The following KSR1 variants were observed in gnomAD, a reference collection of about 807,000 sequenced individuals.
The protein encoded by KSR1 is kinase suppressor of ras.
In KSR1, 35 loss-of-function variants were observed where a neutral mutation model predicts 92.9. The observed-to-expected ratio is 0.38, with a 90% confidence interval of 0.29 to 0.50. The LOEUF is 0.50. Ranked by LOEUF, KSR1 falls within the 20% of genes least tolerant of loss-of-function variation. The probability of loss-of-function intolerance (pLI) is 0.94; values close to 1 mark genes in which losing one functional copy is unlikely to be tolerated. For missense variants in KSR1, 972 were observed against 1,158.5 expected (o/e 0.84, Z 2.34); for synonymous variants, 467 against 472.6 (o/e 0.99, Z 0.15).
In KSR1 at chr17:27,592,321, C is replaced by A. The variant is rs772038922; in HGVS notation, c.1131-40C>A. The stretch of plus-strand genomic sequence containing the variant: ...CTACCCCTGTGTGCCTGAGCCCCCC[C>A]ATGTGGTGCTTTGCACACCAACCTC... On this transcript the variant is annotated intron_variant, in intron 7 of 20. Coordinates refer to ENST00000644974, the MANE Select transcript of KSR1 (RefSeq NM_001394583.1). 14 of 1,564,186 alleles carry A rather than the reference C, an allele frequency of 9.0e-6. No homozygotes were observed. In the South Asian group the frequency reaches 1.1e-4, roughly 12 times the overall value.
Position 27,625,816 on chromosome 17 carries a change from T to C in KSR1, c.*2424T>C, listed in dbSNP as rs1192952663. 1.3e-5 allele frequency: 2 copies of C among 151,884 alleles called. No homozygotes were observed. Among genetic ancestry groups the C allele is most frequent in the East Asian group, 3.9e-4 (2 of 5,190 alleles). The allele number at this position is 151,884 out of a possible 1,614,324, so 9.4% of individuals were successfully genotyped here. ...GGGGCTGCGGAAGTCCCCACGGGGG[T>C]CTGAGAGTGGAGCCCAAGCTTTGGC... On this transcript the variant is annotated 3_prime_UTR_variant, in exon 21 of 21. Coordinates refer to ENST00000644974, the MANE Select transcript of KSR1 (RefSeq NM_001394583.1).
intron 1 of KSR1, among the ~76,000 whole-genome samples, chr17:27,519,923 C>T (rs1452282036): frequency 2.0e-5 from 3 of 151,944 alleles, no homozygotes; most frequent in Non-Finnish European, 4.4e-5. Context: ...TTTCCCCAGC[C>T]GGGAGTGGGG....
At chr17:27,613,109 AG>A (rs1860192817) in intron 18 of KSR1, 1 of 152,250 alleles carries the variant, frequency 6.6e-6, no homozygotes. Flanking sequence ...CAACACGAAC[AG>A]CAGGCTCCTC....
At chr17:27,573,062 C>T (rs1049173385) in intron 2 of KSR1, among the ~76,000 whole-genome samples, 7 of 152,186 alleles carry the variant, frequency 4.6e-5, no homozygotes, top group African/African-American at 9.7e-5. Context: ...CGTTTGCCTA[C>T]AGAAATAAAG....
At chr17:27,473,851 T>TGG (rs1344415360) in intron 1 of KSR1, among the ~76,000 whole-genome samples, 4 of 152,126 alleles carry the variant, frequency 2.6e-5, no homozygotes, top group African/African-American at 9.7e-5. Context: ...GTGGTTGGCC[T>TGG]GGTGGCTTAT....
chr17:27,601,888 C>T, intron 11 of KSR1: 1 of 1,606,992 alleles, frequency 6.2e-7, no homozygotes, highest in Non-Finnish European at 8.5e-7. Flanking sequence ...TGCCTTACCA[C>T]ACAGTGCCAT....
At chr17:27,620,900 CCCCTTCGAGGAAA>C in intron 19 of KSR1, 1 of 286,588 alleles carries the variant, frequency 3.5e-6, no homozygotes, top group African/African-American at 2.2e-5. Flanking sequence ...CCCTGCCCAG[CCCCTTCGAGGAAA>C]GCATGCGGGC....
chr17:27,472,424 G>A (rs2020064755), intron 1 of KSR1, among the ~76,000 whole-genome samples: 1 of 152,226 alleles, frequency 6.6e-6, no homozygotes, highest in Non-Finnish European at 1.5e-5. Flanking sequence ...TAAGCCCCGG[G>A]GGGCTCTGAT....
chr17:27,521,030 T>C (rs2070004935), intron 1 of KSR1, among the ~76,000 whole-genome samples: 1 of 152,202 alleles, frequency 6.6e-6, no homozygotes, highest in African/African-American at 2.4e-5. Flanking sequence ...CAAGCACTTG[T>C]GGCTGTCACC....
At chr17:27,520,903 T>C (rs1036959033) in intron 1 of KSR1, among the ~76,000 whole-genome samples, 8 of 152,254 alleles carry the variant, frequency 5.3e-5, no homozygotes, top group Non-Finnish European at 8.8e-5. Flanking sequence ...CCAGTTGGCC[T>C]AACTGGAATC....
Position 27,626,427 on chromosome 17 carries a change from A to G in KSR1, c.*3035A>G, listed in dbSNP as rs956245651. On this transcript the variant is annotated 3_prime_UTR_variant, in exon 21 of 21. Coordinates refer to ENST00000644974, the MANE Select transcript of KSR1 (RefSeq NM_001394583.1). ...GTCTGGAGTTTGTGAATAAAGTTAT[A>G]CCAAGGTGTTCTGGGGCTTGTCTTT... 8 of 152,190 alleles carry G rather than the reference A, an allele frequency of 5.3e-5. No individual in the cohort carries two copies. The highest frequency in any genetic ancestry group is 1.7e-4 in the African/African-American group (7 of 41,404). The allele number at this position is 152,190 out of a possible 1,614,324, so 9.4% of individuals were successfully genotyped here.
At chr17:27,466,016 G>A (rs60304204) in intron 1 of KSR1, among the ~76,000 whole-genome samples, 49,683 of 152,164 alleles carry the variant, frequency 0.33, 8,637 homozygotes, top group South Asian at 0.5. Flanking sequence ...GAAGAAAGTT[G>A]TGCTGCATCA....
chr17:27,588,558 G>T, intron 6 of KSR1, 23 bp downstream of exon 6: 1 of 1,578,908 alleles, frequency 6.3e-7, no homozygotes. Context: ...GGCCTGGAGG[G>T]GGAGCAGGGC....
chr17:27,456,562 C>A lies in KSR1; in HGVS notation c.-82C>A. The A allele has an allele frequency of 2.3e-6, 1 of 443,476 alleles. No individual in the cohort carries two copies. Among genetic ancestry groups the A allele is most frequent in the Non-Finnish European group, 3.9e-6 (1 of 256,976 alleles). The allele number at this position is 443,476 out of a possible 1,614,324, so 27.5% of individuals were successfully genotyped here. A position where few individuals can be genotyped will look rare whatever the true frequency, so the allele number is the denominator to read the frequency against. ...GCGCCGAGGGGCGCTCCTGGTCCAG[C>A]TCTCCTGGCTCGGGGGTTCCTTGCC... On this transcript the variant is annotated 5_prime_UTR_variant, in exon 1 of 21. Coordinates refer to ENST00000644974, the MANE Select transcript of KSR1 (RefSeq NM_001394583.1).
In KSR1 at chr17:27,623,457, C is replaced by T. The variant is rs912873040; in HGVS notation, c.*65C>T. On this transcript the variant is annotated 3_prime_UTR_variant, in exon 21 of 21. Coordinates refer to ENST00000644974, the MANE Select transcript of KSR1 (RefSeq NM_001394583.1). ...AAAATGTGTTTCTGAAACATCCCAACAACCACCACGACAAAAAAACACTGC... is the reference window on the plus strand; with the variant it reads ...AAAATGTGTTTCTGAAACATCCCAATAACCACCACGACAAAAAAACACTGC... 2 of 714,922 alleles carry T rather than the reference C, an allele frequency of 2.8e-6. No individual in the cohort carries two copies. Among genetic ancestry groups the T allele is most frequent in the African/African-American group, 3.5e-5 (2 of 57,804 alleles). The allele number at this position is 714,922 out of a possible 1,614,324, so 44.3% of individuals were successfully genotyped here.
chr17:27,582,842 C>T lies in KSR1; in HGVS notation c.717C>T (p.Pro239=), dbSNP rs567845159. The change falls in exon 4 of 21, where the codon CCC becomes CCT. Residue 239 remains proline (P), a synonymous_variant. Transcript: ENST00000644974. ...CAGCTCTGCCCGCCTCAGACTCCCC[C>T]ACCCCCAGCTTCAGTGAGGGCCTCT... ...SVSALPASDS[P]TPSFSEGLSD... The T allele has an allele frequency of 2.5e-6, 4 of 1,613,590 alleles. No individual in the cohort carries two copies. The highest frequency in any genetic ancestry group is 2.7e-5 in the African/African-American group (2 of 75,030).
At chr17:27,532,009 C>T (rs2008014) in intron 1 of KSR1, among the ~76,000 whole-genome samples, 1,757 of 152,212 alleles carry the variant, frequency 0.012, 24 homozygotes, top group African/African-American at 0.04. Context: ...ACCAGGAGAC[C>T]GTCCTGGCAC....
intron 2 of KSR1, among the ~76,000 whole-genome samples, chr17:27,555,600 G>GT (rs1447263296): frequency 3.3e-5 from 5 of 152,024 alleles, no homozygotes; most frequent in Middle Eastern, 3.2e-3. Context: ...AGCCCCCTCT[G>GT]TTTTTTACTA....
At position 27,591,436 on chromosome 17, in the gene KSR1, G is replaced by A. The variant is rs566507829; in HGVS notation, c.1130+542G>A. 5.3e-5 allele frequency among the ~76,000 whole-genome samples: 8 copies of A among 152,338 alleles called. No homozygotes were observed. The South Asian group carries it at 1.7e-3, about 32-fold the overall frequency. ...TCACCTAATGCAGGGAGGCCTCGGA[G>A]GCTCGGTGCCCAGCCCACTCTGCCC... On this transcript the variant is annotated intron_variant, in intron 7 of 20. Transcript: ENST00000644974.
Sources: allele counts gnomAD v4.1 joint callset (sites outside exome capture counted in the v4.1 genomes callset), GRCh38; gene constraint gnomAD v4.1.1; transcripts MANE v1.5; gene names NCBI Gene and HGNC (gene_info 2026-07-23, HGNC 2026-07-21).